Variants in SLC8A1 observed in about 807,000 individuals in gnomAD.
SLC8A1 encodes sodium/calcium exchanger 1.
In SLC8A1, 18 loss-of-function variants were observed where a neutral mutation model predicts 68.3. The ratio of observed to expected loss-of-function variants is 0.26; its 90% CI spans 0.18 to 0.39. SLC8A1 has a LOEUF of 0.39. SLC8A1 is among the 10% of genes least tolerant of loss of function. The probability of loss-of-function intolerance (pLI) is 1.00; values close to 1 mark genes in which losing one functional copy is unlikely to be tolerated. For synonymous variants in SLC8A1, 475 were observed against 415.5 expected, an observed-to-expected ratio of 1.14 and a Z score of -1.74; for missense variants, 985 against 1,156.7, an observed-to-expected ratio of 0.85 and a Z score of 2.15.
chr2:40,195,147 C>G (rs765694102), intron 2 of SLC8A1, among the ~76,000 whole-genome samples: 6 of 152,000 alleles, frequency 3.9e-5, no homozygotes, highest in Non-Finnish European at 7.4e-5. Flanking sequence ...GAAATCAACA[C>G]AGGGAAGCAA....
intron 2 of SLC8A1, among the ~76,000 whole-genome samples, chr2:40,346,554 C>G (rs537259250): frequency 1.3e-5 from 2 of 152,220 alleles, no homozygotes; most frequent in African/African-American, 4.8e-5. Flanking sequence ...GGGAAGACAG[C>G]AAGCCTAAGT....
At position 40,448,813 on chromosome 2, in the gene SLC8A1, C is replaced by A. The variant is rs182202059; in HGVS notation, c.-25+3091G>T. On this transcript the variant is annotated intron_variant, in intron 1 of 7. Coordinates refer to ENST00000406785, the Ensembl canonical transcript of SLC8A1. Reference sequence around the variant, plus strand: ...ATATTTGGATAATATTTTAGCAAAACACATTTATCCTTGGGGGCAAAAACA... The same window carrying A: ...ATATTTGGATAATATTTTAGCAAAAAACATTTATCCTTGGGGGCAAAAACA... Among the ~76,000 whole-genome samples the A allele has an allele frequency of 3.1e-3, 475 of 152,150 alleles. 2 individuals are homozygous for A. The highest frequency in any genetic ancestry group is 4.8e-3 in the South Asian group (23 of 4,824).
At chr2:40,420,892 C>G (rs1487530346) in intron 2 of SLC8A1, among the ~76,000 whole-genome samples, 1 of 152,120 alleles carries the variant, frequency 6.6e-6, no homozygotes, top group African/African-American at 2.4e-5. Flanking sequence ...CTGGATCCAC[C>G]CTTTATTAGC....
At chr2:40,325,308 T>A (rs741286) in intron 2 of SLC8A1, among the ~76,000 whole-genome samples, 39,745 of 152,004 alleles carry the variant, frequency 0.26, 8,009 homozygotes, top group African/African-American at 0.56. Context: ...AGGAAGAGAA[T>A]GTTTCTTGAG....
chr2:40,132,076 G>C (rs1389149997), intron 7 of SLC8A1, among the ~76,000 whole-genome samples: 1 of 151,876 alleles, frequency 6.6e-6, no homozygotes, highest in Non-Finnish European at 1.5e-5. Flanking sequence ...GAGTTTAAAT[G>C]TAATCTTACT....
chr2:40,131,214 C>T (rs765555), intron 7 of SLC8A1, among the ~76,000 whole-genome samples: 1 of 151,880 alleles, frequency 6.6e-6, no homozygotes, highest in Non-Finnish European at 1.5e-5. Flanking sequence ...TAGTAAGTAG[C>T]GGAGGGAGGG....
chr2:40,455,659 G>T (rs1308021413), upstream of SLC8A1, among the ~76,000 whole-genome samples: 1 of 152,196 alleles, frequency 6.6e-6, no homozygotes, highest in Non-Finnish European at 1.5e-5. Flanking sequence ...TTGTTCTTTA[G>T]GTTTTCTTTG....
chr2:40,121,598 T>C (rs1052463019), intron 7 of SLC8A1, among the ~76,000 whole-genome samples: 2 of 152,144 alleles, frequency 1.3e-5, no homozygotes, highest in South Asian at 2.1e-4. Context: ...ATTGATTGAA[T>C]TGTGCTGCTC....
chr2:40,482,431 C>T (rs1704688665), intron 1 of SLC8A1, among the ~76,000 whole-genome samples: 2 of 151,980 alleles, frequency 1.3e-5, no homozygotes, highest in African/African-American at 4.8e-5. Context: ...AGCATATGGC[C>T]ATGTGAATGT....
chr2:40,317,348 T>G (rs565157817), intron 2 of SLC8A1, among the ~76,000 whole-genome samples: 1 of 152,090 alleles, frequency 6.6e-6, no homozygotes, highest in Non-Finnish European at 1.5e-5. Flanking sequence ...ATGAATCATA[T>G]TTTTCTGAAT....
chr2:40,307,441 A>C (rs1251613019), intron 2 of SLC8A1, among the ~76,000 whole-genome samples: 1 of 152,170 alleles, frequency 6.6e-6, no homozygotes, highest in Non-Finnish European at 1.5e-5. Flanking sequence ...TAAGACAAAA[A>C]AGTTCTGGAG....
upstream of SLC8A1, among the ~76,000 whole-genome samples, chr2:40,456,293 G>A (rs1484308070): frequency 6.4e-5 from 9 of 141,010 alleles, no homozygotes; most frequent in Non-Finnish European, 1.4e-4. Flanking sequence ...TCCAGCCTGG[G>A]TGGACAGAGC....
At chr2:40,246,882 G>C (rs1378691548) in intron 2 of SLC8A1, among the ~76,000 whole-genome samples, 3 of 152,096 alleles carry the variant, frequency 2.0e-5, no homozygotes, top group Non-Finnish European at 4.4e-5. Context: ...GACTAGGGCT[G>C]TGAAAACACA....
intron 7 of SLC8A1, among the ~76,000 whole-genome samples, chr2:40,139,041 C>G (rs1341997929): frequency 6.6e-6 from 1 of 152,262 alleles, no homozygotes; most frequent in East Asian, 1.9e-4. Context: ...ATATAAAAGA[C>G]AGAAATTTGG....
intron 3 of SLC8A1, 57 bp from the exon 5 acceptor site, chr2:40,174,899 A>T: frequency 6.5e-7 from 1 of 1,535,994 alleles, no homozygotes; most frequent in Non-Finnish European, 9.0e-7. Context: ...CATAACAAAT[A>T]CCAGTGACAT....
intron 2 of SLC8A1, among the ~76,000 whole-genome samples, chr2:40,351,299 C>T (rs974142689): frequency 2.0e-5 from 3 of 152,096 alleles, no homozygotes; most frequent in African/African-American, 7.2e-5. Flanking sequence ...ATGGATGATA[C>T]ATGATTCCTG....
At chr2:40,221,858 G>A (rs901279622) in intron 2 of SLC8A1, among the ~76,000 whole-genome samples, 2 of 152,122 alleles carry the variant, frequency 1.3e-5, no homozygotes, top group Non-Finnish European at 2.9e-5. Flanking sequence ...CACTGCTCAA[G>A]GAAATAAGAG....
intron 2 of SLC8A1, among the ~76,000 whole-genome samples, chr2:40,401,191 G>C (rs186584462): frequency 1.3e-5 from 2 of 152,168 alleles, no homozygotes; most frequent in East Asian, 1.9e-4. Flanking sequence ...ATTTCTCTGT[G>C]GCATGCCTGC....
At chr2:40,472,689 C>T (rs1340163876) in intron 1 of SLC8A1, among the ~76,000 whole-genome samples, 1 of 152,082 alleles carries the variant, frequency 6.6e-6, no homozygotes, top group African/African-American at 2.4e-5. Flanking sequence ...TCAACACCTA[C>T]CATGGCCCAT....
Sources: allele counts gnomAD v4.1 joint callset (sites outside exome capture counted in the v4.1 genomes callset), GRCh38; gene constraint gnomAD v4.1.1; transcripts MANE v1.5; gene names NCBI Gene and HGNC (gene_info 2026-07-23, HGNC 2026-07-21).